SIGIRR: variants seen among roughly 807,000 people sequenced by gnomAD.
The protein encoded by SIGIRR is single Ig and TIR domain containing, also known as single Ig IL-1-related receptor.
In SIGIRR, 41 loss-of-function variants were observed where a neutral mutation model predicts 45.6. The ratio of observed to expected loss-of-function variants is 0.90; its 90% confidence interval spans 0.70 to 1.17. The LOEUF (loss-of-function observed/expected upper bound fraction) is 1.17, where lower values mean the gene tolerates loss of function less well. SIGIRR is among the 50% of genes most tolerant of loss of function. SIGIRR has a pLI of 0.00. For synonymous variants in SIGIRR, 298 were observed against 239.0 expected, an observed-to-expected ratio of 1.25 and a Z score of -2.28; for missense variants, 599 against 539.6, an observed-to-expected ratio of 1.11 and a Z score of -1.09.
At chr11:407,325 GA>G (rs1847377500) in intron 6 of SIGIRR, 99 bp downstream of exon 6, 2 of 962,586 alleles carry the variant, frequency 2.1e-6, no homozygotes, top group Admixed American at 6.3e-5. Flanking sequence ...GATGGGGGCG[GA>G]GCTCGATGGT....
intron 8 of SIGIRR, 50 bp from the exon 9 acceptor site, chr11:406,588 CT>C (rs758674175): frequency 2.3e-4 from 356 of 1,543,186 alleles, no homozygotes; most frequent in South Asian, 6.6e-4. Flanking sequence ...TCGGAAGCCC[CT>C]GGCGTCCTGG....
rs1380712358 is a variant in SIGIRR, at chr11:407,216, G to T, written c.626-52C>A. On this transcript the variant is annotated intron_variant, in intron 6 of 9. Coordinates refer to ENST00000431843, the MANE Select transcript of SIGIRR (RefSeq NM_001135054.2). ...CAGGGGCGGGGGCGGGGGAGGGCGG[G>T]GCCGGAGGCTCAGGGGCGGTGCCGG... 111 of 740,424 alleles carry T rather than the reference G, an allele frequency of 1.5e-4. No homozygotes were observed. In the East Asian group the frequency reaches 3.7e-3, roughly 25 times the overall value. 45.9% of individuals were successfully genotyped at this position (740,424 alleles called of 1,614,324 possible).
chr11:407,966 G>C lies in SIGIRR; in HGVS notation c.341-9C>G. The C allele has an allele frequency of 6.2e-7, 1 of 1,603,818 alleles. No homozygotes were observed. The highest frequency in any genetic ancestry group is 1.1e-5 in the South Asian group (1 of 90,160). ...CACGTGGCTTGTAGGGCCTGCGGAT[G>C]GGTTGCCTGAGCCGCTGCCCCTCCA... On this transcript the variant is annotated splice_polypyrimidine_tract_variant and intron_variant, in intron 4 of 9. Transcript: ENST00000431843.
chr11:406,267 C>A lies in SIGIRR; in HGVS notation c.1069+82G>T, dbSNP rs1026489366. On this transcript the variant is annotated intron_variant, in intron 9 of 9. Transcript: ENST00000431843. ...AGAGTCCTCAACACCTGGAGCCCCT[C>A]CAGGCCCTGTGCCCTGTGCCTGCCC... 4 of 1,556,510 alleles carry A rather than the reference C, an allele frequency of 2.6e-6. No individual in the cohort carries two copies. The African/African-American group carries it at 5.4e-5, about 21-fold the overall frequency.
intron 1 of SIGIRR, among the ~76,000 whole-genome samples, chr11:413,445 G>C (rs1846954155): frequency 6.6e-6 from 1 of 151,910 alleles, no homozygotes; most frequent in Non-Finnish European, 1.5e-5. Context: ...ACCCCTCACA[G>C]CAAGCCCGGG....
chr11:407,440 G>A lies in SIGIRR; in HGVS notation c.610C>T (p.Leu204Phe), dbSNP rs1404441401. 3 of 1,550,976 alleles carry A rather than the reference G, an allele frequency of 1.9e-6. No individual in the cohort carries two copies. The highest frequency in any genetic ancestry group is 2.7e-5 in the African/African-American group (2 of 72,990). Reference sequence around the variant, plus strand: ...CCCGGGATACCAGCGCGCGGCAGGAGGTCGCGGTCGTCCAGGAAGAGCTTG... The same window carrying A: ...CCCGGGATACCAGCGCGCGGCAGGAAGTCGCGGTCGTCCAGGAAGAGCTTG... ...GYKLFLDDRD[L>F]LPRAEPSADL... The change falls in exon 6 of 10, where the codon CTC becomes TTC. Residue 204 changes from leucine (L) to phenylalanine (F), a missense_variant. By Grantham distance (22) the Leu-to-Phe change is conservative. Coordinates refer to ENST00000431843, the MANE Select transcript of SIGIRR (RefSeq NM_001135054.2).
At chr11:409,439 C>T (rs935055038) in intron 2 of SIGIRR, 9 of 261,850 alleles carry the variant, frequency 3.4e-5, no homozygotes, top group African/African-American at 1.8e-4. Context: ...TCTTGGGGCC[C>T]TCTGCTCCTG....
intron 8 of SIGIRR, 53 bp downstream of exon 8, chr11:406,790 C>T (rs1050566104): frequency 2.7e-6 from 4 of 1,457,826 alleles, no homozygotes; most frequent in African/African-American, 2.8e-5. Context: ...GCCCGGGCAC[C>T]GCCCATCTCT....
Position 407,072 on chromosome 11 carries a change from G to C in SIGIRR, c.718C>G (p.His240Asp). The C allele has an allele frequency of 6.3e-7, 1 of 1,578,438 alleles. No individual in the cohort carries two copies. The highest frequency in any genetic ancestry group is 1.4e-5 in the African/African-American group (1 of 72,730). Residue 240 changes from histidine to aspartate, a missense_variant, in exon 7 of 10, where the codon CAC (histidine) becomes GAC (aspartate). By Grantham distance (81) the His-to-Asp change is moderately conservative (BLOSUM62 -1). Transcript: ENST00000431843. ...CCGCGCGGGACCCACCGGAAGCTGT[G>C]GCTGCACCAGGCCCGGCTCAGGAAG... Reference protein sequence around the residue: ...DAFLSRAWCSHSFREGLCRLL... With the variant: ...DAFLSRAWCSDSFREGLCRLL...
At chr11:408,588 G>A (rs544501096) in intron 3 of SIGIRR, 107 bp downstream of exon 3, 25 of 1,330,248 alleles carry the variant, frequency 1.9e-5, no homozygotes, top group African/African-American at 1.6e-4. Context: ...CACTCTGCTC[G>A]TGACATGTCT....
chr11:411,337 C>G (rs1185499485), intron 1 of SIGIRR, among the ~76,000 whole-genome samples: 1 of 21,208 alleles, frequency 4.7e-5, no homozygotes, highest in Non-Finnish European at 9.1e-5. Context: ...CAGCTCTGAC[C>G]ATGTCTGGAT....
intron 2 of SIGIRR, 93 bp from the exon 3 acceptor site, chr11:408,986 C>G: frequency 2.5e-6 from 3 of 1,192,416 alleles, no homozygotes; most frequent in Non-Finnish European, 3.7e-6. Flanking sequence ...AATAAGGCCT[C>G]TGTGTGGCTT....
In SIGIRR at chr11:408,063, C is replaced by A. The variant is rs201819873; in HGVS notation, c.340+10G>T. 3.3e-5 allele frequency: 53 copies of A among 1,612,414 alleles called. 1 individual carries two copies. Among genetic ancestry groups the A allele is most frequent in the South Asian group, 2.0e-4 (18 of 91,082 alleles). On this transcript the variant is annotated intron_variant, in intron 4 of 9. Coordinates refer to ENST00000431843, the MANE Select transcript of SIGIRR (RefSeq NM_001135054.2). ...CCCTTCTACCCTCCACCTTGGGGAA[C>A]CCCCATCACCAGCTCTCTGAAGAGT...
At chr11:407,777 C>A in intron 5 of SIGIRR, 40 bp downstream of exon 5, 2 of 1,610,124 alleles carry the variant, frequency 1.2e-6, no homozygotes, top group South Asian at 2.2e-5. Context: ...TCAGGGAGGC[C>A]GTGGCGACCC....
At chr11:408,278 G>T in intron 3 of SIGIRR, 72 bp from the exon 4 acceptor site, 1 of 1,565,724 alleles carries the variant, frequency 6.4e-7, no homozygotes, top group Non-Finnish European at 8.6e-7. Context: ...ACCTGTCTGG[G>T]TTCACCCAGG....
In SIGIRR at chr11:408,863, G is replaced by T; in HGVS notation, c.38C>A (p.Ser13Tyr). The stretch of plus-strand genomic sequence containing the variant: ...CCTCAGCACCTGGTCTTCAGACGGG[G>T]AGAGGAAGTCAGGGGCCCTATCACA... ...GVCDRAPDFL[S>Y]PSEDQVLRPA... Residue 13 changes from serine (S) to tyrosine (Y), a missense_variant, in exon 3 of 10, where the codon TCC becomes TAC. Ser to Tyr is a moderately radical substitution (Grantham distance 144, BLOSUM62 -2). Transcript: ENST00000431843. 1 of 1,612,730 alleles carries T rather than the reference G, an allele frequency of 6.2e-7. No individual in the cohort carries two copies.
At chr11:408,232 G>A in intron 3 of SIGIRR, 26 bp from the exon 4 acceptor site, 1 of 1,611,074 alleles carries the variant, frequency 6.2e-7, no homozygotes, top group African/African-American at 1.3e-5. Context: ...CAGGGTCAGG[G>A]TCGACTGGGG....
At chr11:406,119 T>C (rs931221757) in intron 9 of SIGIRR, 60 bp from the exon 10 acceptor site, 11 of 1,540,644 alleles carry the variant, frequency 7.1e-6, no homozygotes, top group Non-Finnish European at 8.7e-6. Flanking sequence ...CCAGACCCAC[T>C]GCCAGGGGCT....
chr11:406,517 T>G lies in SIGIRR; in HGVS notation c.901A>C (p.Lys301Gln), dbSNP rs1193808059. ...GSVTPSSDFW[K>Q]EVQLALPRKV... ...CGCGGCAGCGCCAGCTGCACTTCTT[T>G]CCAAAAATCGGAGGAAGGAGTCTGG... The change falls in exon 9 of 10, where the codon AAA becomes CAA. Residue 301 changes from lysine to glutamine, a missense_variant. Coordinates refer to ENST00000431843, the MANE Select transcript of SIGIRR (RefSeq NM_001135054.2). 1.9e-6 allele frequency: 3 copies of G among 1,609,320 alleles called. No individual in the cohort carries two copies. The highest frequency in any genetic ancestry group is 2.5e-6 in the Non-Finnish European group (3 of 1,177,334).
Sources: gnomAD v4.1 joint callset for allele counts (sites outside exome capture counted in the v4.1 genomes callset) on GRCh38, gnomAD v4.1.1 for gene constraint, MANE v1.5 for transcripts, NCBI Gene and HGNC (gene_info 2026-07-23, HGNC 2026-07-21) for gene names.